ZNF8: variants seen among roughly 807,000 people sequenced by gnomAD.
ZNF8 encodes the protein zinc finger protein 272.
In ZNF8, 9 loss-of-function variants were observed where a neutral mutation model predicts 12.2. That is an observed-to-expected ratio of 0.73 (90% CI 0.44 to 1.28). The LOEUF (loss-of-function observed/expected upper bound fraction) is 1.28. ZNF8 is among the 50% of genes most tolerant of loss of function. The pLI is 0.00. For synonymous variants in ZNF8, 274 were observed against 282.3 expected, an observed-to-expected ratio of 0.97 and a Z score of 0.30; for missense variants, 664 against 729.1, an observed-to-expected ratio of 0.91 and a Z score of 1.03.
At chr19:58,279,424 G>C in intron 1 of ZNF8, 1 of 1,450,094 alleles carries the variant, frequency 6.9e-7, no homozygotes, top group Non-Finnish European at 9.1e-7. Flanking sequence ...AATCGAGCAG[G>C]CCCATCTCCT....
rs145850750 is a variant in ZNF8, at chr19:58,302,643, G to T, written c.*7107G>T. The T allele has an allele frequency of 7.2e-5, 11 of 152,272 alleles. No homozygotes were observed. The highest frequency in any genetic ancestry group is 2.6e-4 in the African/African-American group (11 of 41,552). The allele number at this position is 152,272 out of a possible 1,614,324, so 9.4% of individuals were successfully genotyped here. ...TTACCAGCCTTGAGTTTTCTCAAAG[G>T]GGGCATTGGAGGGGTTCTTATACAT... On this transcript the variant is annotated 3_prime_UTR_variant, in exon 4 of 4. Transcript: ENST00000621650.
At chr19:58,283,544 A>T (rs551581058) in intron 1 of ZNF8, among the ~76,000 whole-genome samples, 7 of 151,486 alleles carry the variant, frequency 4.6e-5, no homozygotes, top group African/African-American at 1.5e-4. Context: ...CCCTCACCAG[A>T]TGCCAGTACC....
rs1044340058 is a variant in ZNF8, at chr19:58,280,059, G to A, written c.66+912G>A. On this transcript the variant is annotated intron_variant, in intron 1 of 3. Coordinates refer to ENST00000621650, the MANE Select transcript of ZNF8 (RefSeq NM_021089.3). ...GCTGTGGATGGGGGACAAGGAATGA[G>A]TCGTAAGAAAGGCTTGAGAGAAAGT... 2.2e-5 allele frequency: 8 copies of A among 371,278 alleles called. No individual in the cohort carries two copies. The Admixed American group carries it at 3.4e-4, about 16-fold the overall frequency. 23.0% of individuals were successfully genotyped at this position (371,278 alleles called of 1,614,324 possible).
rs746660068 is a variant in ZNF8 at position 58,295,550 on chromosome 19, C to T, written c.*14C>T. ...GAATCCACATAGGAGAGAAACTTTGCTGATGACTTTTAACCACAAGTAAAA... is the reference window on the plus strand; with the variant it reads ...GAATCCACATAGGAGAGAAACTTTGTTGATGACTTTTAACCACAAGTAAAA... On this transcript the variant is annotated 3_prime_UTR_variant, in exon 4 of 4. Coordinates refer to ENST00000621650, the MANE Select transcript of ZNF8 (RefSeq NM_021089.3). 1 of 1,571,690 alleles carries T rather than the reference C, an allele frequency of 6.4e-7. No homozygotes were observed. The highest frequency in any genetic ancestry group is 8.6e-7 in the Non-Finnish European group (1 of 1,157,608).
rs186296930 is a variant in ZNF8, at chr19:58,290,403, C to T, written c.290-3695C>T. 3.7e-3 allele frequency among the ~76,000 whole-genome samples: 566 copies of T among 152,204 alleles called. 4 individuals carry two copies. The highest frequency in any genetic ancestry group is 0.012 in the African/African-American group (515 of 41,526). On this transcript the variant is annotated intron_variant, in intron 3 of 3. Transcript: ENST00000621650. ...TGCTGGGATTACAGACGTGAGCCAC[C>T]GCGCCCGGCCATCAAGATTCTTAAT... is the stretch of plus-strand genomic sequence containing the variant.
At chr19:58,289,307 C>T (rs1002407549) in intron 3 of ZNF8, among the ~76,000 whole-genome samples, 1 of 151,996 alleles carries the variant, frequency 6.6e-6, no homozygotes. Flanking sequence ...ACTAGCCTGG[C>T]CAACATGGCA....
intron 1 of ZNF8, among the ~76,000 whole-genome samples, chr19:58,284,579 C>T (rs973246198): frequency 2.6e-5 from 4 of 152,146 alleles, no homozygotes; most frequent in African/African-American, 7.2e-5. Flanking sequence ...CCAGGCGCGG[C>T]GGCTCCCGCC....
chr19:58,281,175 C>G (rs1206122737), intron 1 of ZNF8, among the ~76,000 whole-genome samples: 2 of 152,114 alleles, frequency 1.3e-5, no homozygotes, highest in African/African-American at 4.8e-5. Context: ...GTGTTTTAAG[C>G]AGGACTGGCA....
At chr19:58,282,241 C>G (rs926884717) in intron 1 of ZNF8, among the ~76,000 whole-genome samples, 3 of 152,178 alleles carry the variant, frequency 2.0e-5, no homozygotes, top group African/African-American at 7.2e-5. Context: ...TGTTGAACAT[C>G]TTTTCATGTA....
In ZNF8 at chr19:58,299,955, C is replaced by T. The variant is rs2051481556; in HGVS notation, c.*4419C>T. ...GTTCGTTTCTCTGCACTTACCTCTT[C>T]GGGGTTGTCCTCAAAACGTTGCCGT... On this transcript the variant is annotated 3_prime_UTR_variant, in exon 4 of 4. Transcript: ENST00000621650. 1 of 152,280 alleles carries T rather than the reference C, an allele frequency of 6.6e-6. No homozygotes were observed. The highest frequency in any genetic ancestry group is 6.5e-5 in the Admixed American group (1 of 15,292). The allele number at this position is 152,280 out of a possible 1,614,324, so 9.4% of individuals were successfully genotyped here. A position where few individuals can be genotyped will look rare whatever the true frequency, so the allele number is the denominator to read the frequency against.
rs2051488320 is a variant in ZNF8, at chr19:58,300,894, CT to C, written c.*5361del. 6.6e-6 allele frequency: 1 copy of C among 152,316 alleles called. No homozygotes were observed. Among genetic ancestry groups the C allele is most frequent in the Non-Finnish European group, 1.5e-5 (1 of 68,214 alleles). The allele number at this position is 152,316 out of a possible 1,614,324, so 9.4% of individuals were successfully genotyped here. ...CCAGGACTGTGAAGCCTGCTAACCT[CT>C]TTGCAGAGCTCCATCTCCTTGCATT... On this transcript the variant is annotated 3_prime_UTR_variant, in exon 4 of 4. Transcript: ENST00000621650.
chr19:58,287,278 A>G (rs1427454120), intron 3 of ZNF8, among the ~76,000 whole-genome samples: 1 of 150,720 alleles, frequency 6.6e-6, no homozygotes, highest in African/African-American at 2.4e-5. Flanking sequence ...GGCTCAAGCA[A>G]TCCACCTACT....
intron 3 of ZNF8, among the ~76,000 whole-genome samples, chr19:58,293,370 C>T (rs2051432568): frequency 6.6e-6 from 1 of 152,210 alleles, no homozygotes; most frequent in South Asian, 2.1e-4. Flanking sequence ...CTTCAGCATT[C>T]ACTGAGAGAT....
Position 58,295,104 on chromosome 19 carries a change from CT to C in ZNF8, c.1299del (p.Phe433LeufsTer22), listed in dbSNP as rs761248332. ...CCTTTGAGTGCCGCCAGAGGCTGAT[CT>C]TTGAGCAGACGCCAGCTCTCACAAA... is the stretch of plus-strand genomic sequence containing the variant. Reference protein sequence around the residue: ...KPFECRQRLIFEQTPALTKHE... With the variant: ...KPFECRQRLIXEQTPALTKHE... On this transcript the variant is annotated frameshift_variant, in exon 4 of 4. Coordinates refer to ENST00000621650, the MANE Select transcript of ZNF8 (RefSeq NM_021089.3). LOFTEE classifies it low-confidence loss of function (END_TRUNC). 1.2e-6 allele frequency: 2 copies of C among 1,613,898 alleles called. No individual in the cohort carries two copies. Among genetic ancestry groups the C allele is most frequent in the Non-Finnish European group, 1.7e-6 (2 of 1,180,038 alleles).
chr19:58,282,702 A>G (rs1287123813), intron 1 of ZNF8, among the ~76,000 whole-genome samples: 6 of 151,596 alleles, frequency 4.0e-5, no homozygotes, highest in Non-Finnish European at 8.8e-5. Flanking sequence ...ATCTCGGCTC[A>G]CTGCAACCTC....
chr19:58,279,005 C>T lies in ZNF8; in HGVS notation c.-77C>T, dbSNP rs1600449067. On this transcript the variant is annotated 5_prime_UTR_variant, in exon 1 of 4. Transcript: ENST00000621650. ...CGCCATTGTCCGGCGTTCGGCGAGT[C>T]GGGTGGTCCCTTTGGCTGGAGTGCC... is the stretch of plus-strand genomic sequence containing the variant. 8 of 1,344,704 alleles carry T rather than the reference C, an allele frequency of 5.9e-6. 1 individual carries two copies. The Middle Eastern group carries it at 8.2e-4, about 137-fold the overall frequency. The allele number at this position is 1,344,704 out of a possible 1,614,324, so 83.3% of individuals were successfully genotyped here.
chr19:58,284,013 A>C (rs1177623574), intron 1 of ZNF8, among the ~76,000 whole-genome samples: 2 of 152,200 alleles, frequency 1.3e-5, no homozygotes, highest in Non-Finnish European at 2.9e-5. Context: ...ACTTGAGGTC[A>C]GGAGTTCGAC....
intron 1 of ZNF8, 153 bp downstream of exon 1, chr19:58,279,300 C>T (rs1416625583): frequency 1.2e-5 from 18 of 1,508,124 alleles, no homozygotes; most frequent in South Asian, 2.4e-5. Context: ...GCGTGGTGAC[C>T]GTCCTGGCTG....
At chr19:58,285,421 C>T (rs2051377052) in intron 1 of ZNF8, among the ~76,000 whole-genome samples, 1 of 152,154 alleles carries the variant, frequency 6.6e-6, no homozygotes, top group South Asian at 2.1e-4. Flanking sequence ...GCTCACAAAC[C>T]TGCAAATAAG....
Sources: allele counts gnomAD v4.1 joint callset (sites outside exome capture counted in the v4.1 genomes callset), GRCh38; gene constraint gnomAD v4.1.1; transcripts MANE v1.5; gene names NCBI Gene and HGNC (gene_info 2026-07-23, HGNC 2026-07-21).